The following NRG1 variants were observed in gnomAD, a reference collection of about 807,000 sequenced individuals.
NRG1 encodes neuregulin 1.
Under a neutral mutation model 63.8 loss-of-function variants are expected in NRG1, and 18 were observed. The ratio of observed to expected loss-of-function variants is 0.28; its 90% confidence interval spans 0.19 to 0.42. NRG1 has a LOEUF of 0.42. NRG1 is among the 10% of genes least tolerant of loss of function. The pLI is 1.00. For synonymous variants in NRG1, 302 were observed against 301.3 expected, an observed-to-expected ratio of 1.00 and a Z score of -0.02; for missense variants, 762 against 814.7, an observed-to-expected ratio of 0.94 and a Z score of 0.79.
intron 1 of NRG1, among the ~76,000 whole-genome samples, chr8:31,692,641 A>C (rs1435692348): frequency 6.6e-6 from 1 of 152,228 alleles, no homozygotes; most frequent in African/African-American, 2.4e-5. Context: ...AAGGAAGCAG[A>C]ATCAGCTGCC....
intron 1 of NRG1, among the ~76,000 whole-genome samples, chr8:31,745,125 A>G (rs1815716264): frequency 6.6e-6 from 1 of 151,994 alleles, no homozygotes; most frequent in Non-Finnish European, 1.5e-5. Flanking sequence ...TTTTACAAGT[A>G]GAGTTAAGAG....
rs139787057 is a variant in NRG1 at position 32,444,734 on chromosome 8, A to G, written c.38-151094A>G. On this transcript the variant is annotated intron_variant, in intron 1 of 10. Coordinates refer to the NRG1 transcript ENST00000519301. Reference sequence around the variant, plus strand: ...TCCTGGGAAGTCTCACAATTTTGTCAAAAGTAGAAGAGTTGCCTTTGACGA... The same window carrying G: ...TCCTGGGAAGTCTCACAATTTTGTCGAAAGTAGAAGAGTTGCCTTTGACGA... Among the ~76,000 whole-genome samples, 239 of 152,340 alleles carry G rather than the reference A, an allele frequency of 1.6e-3. 11 individuals carry two copies. In the East Asian group the frequency reaches 0.037, roughly 24 times the overall value.
chr8:31,843,701 G>A (rs1043941427), intron 1 of NRG1, among the ~76,000 whole-genome samples: 6 of 152,062 alleles, frequency 3.9e-5, no homozygotes, highest in African/African-American at 9.7e-5. Context: ...CTTTTAATAC[G>A]AATCCCCAGT....
chr8:32,704,982 TA>T (rs1815970694), intron 5 of NRG1, among the ~76,000 whole-genome samples: 1 of 152,188 alleles, frequency 6.6e-6, no homozygotes, highest in African/African-American at 2.4e-5. Flanking sequence ...AGTTTGACTT[TA>T]AAAAATGTAG....
At chr8:31,703,592 G>A (rs563730522) in intron 1 of NRG1, among the ~76,000 whole-genome samples, 3 of 152,270 alleles carry the variant, frequency 2.0e-5, no homozygotes, top group Non-Finnish European at 2.9e-5. Context: ...TTGCTTAAAT[G>A]TATGAGCTAT....
chr8:31,767,614 T>C (rs965350116), intron 1 of NRG1, among the ~76,000 whole-genome samples: 4 of 151,960 alleles, frequency 2.6e-5, no homozygotes, highest in South Asian at 2.1e-4. Context: ...CTGAGGCAGG[T>C]GGATCACTTG....
chr8:32,521,455 A>G (rs1830338343), intron 1 of NRG1, among the ~76,000 whole-genome samples: 1 of 152,190 alleles, frequency 6.6e-6, no homozygotes, highest in African/African-American at 2.4e-5. Context: ...ACAGTCATGG[A>G]GTGCTGGTTT....
At chr8:31,900,155 G>A (rs1831951392) in intron 1 of NRG1, among the ~76,000 whole-genome samples, 1 of 152,146 alleles carries the variant, frequency 6.6e-6, no homozygotes, top group Non-Finnish European at 1.5e-5. Context: ...TTGTAGGTAA[G>A]GGACAAACTA....
chr8:32,181,079 T>C (rs1288199008), intron 1 of NRG1, among the ~76,000 whole-genome samples: 1 of 152,194 alleles, frequency 6.6e-6, no homozygotes, highest in Non-Finnish European at 1.5e-5. Context: ...GGTGCCTACA[T>C]TCAAACTCAG....
At chr8:31,957,199 T>TC (rs1178284952) in intron 1 of NRG1, among the ~76,000 whole-genome samples, 2 of 151,522 alleles carry the variant, frequency 1.3e-5, no homozygotes, top group Non-Finnish European at 2.9e-5. Flanking sequence ...AGTTTTTTTT[T>TC]TTTTCTTGTC....
intron 1 of NRG1, among the ~76,000 whole-genome samples, chr8:31,879,461 C>G (rs1830179332): frequency 6.6e-6 from 1 of 152,192 alleles, no homozygotes; most frequent in African/African-American, 2.4e-5. Flanking sequence ...TTCTGCCACT[C>G]AAGATCTTTC....
intron 1 of NRG1, among the ~76,000 whole-genome samples, chr8:32,350,630 T>C (rs757026189): frequency 6.0e-4 from 92 of 152,164 alleles, no homozygotes; most frequent in Admixed American, 1.7e-3. Flanking sequence ...TAATCCCAGA[T>C]ATAAGGTGTT....
intron 1 of NRG1, among the ~76,000 whole-genome samples, chr8:31,651,523 G>T (rs1363981472): frequency 1.3e-5 from 2 of 152,062 alleles, no homozygotes; most frequent in African/African-American, 2.4e-5. Context: ...TTGGTTTTCA[G>T]GGGGGTGGCA....
In NRG1 at chr8:32,619,379, A is replaced by G. The variant is rs140453681; in HGVS notation, c.502+2494A>G. On this transcript the variant is annotated intron_variant, in intron 5 of 11. Transcript: ENST00000356819. ...AGTAGAAGGAACAAAGGGATGAAAT[A>G]TAGAAGATGAGGGCCACAGACCCTG... Among the ~76,000 whole-genome samples the G allele has an allele frequency of 3.8e-3, 577 of 152,284 alleles. 7 individuals are homozygous for G. Among genetic ancestry groups the G allele is most frequent in the African/African-American group, 0.013 (536 of 41,574 alleles).
At chr8:32,000,273 G>A (rs754109408) in intron 1 of NRG1, among the ~76,000 whole-genome samples, 9 of 151,950 alleles carry the variant, frequency 5.9e-5, no homozygotes. Flanking sequence ...TTGTTTACAT[G>A]TATCCAGAGT....
intron 1 of NRG1, among the ~76,000 whole-genome samples, chr8:32,091,875 G>A (rs1323942455): frequency 1.3e-5 from 2 of 152,088 alleles, no homozygotes; most frequent in African/African-American, 4.8e-5. Context: ...AATATGATGA[G>A]AGCTTATTGT....
chr8:31,911,733 C>CT (rs1343061980), intron 1 of NRG1, among the ~76,000 whole-genome samples: 2 of 152,150 alleles, frequency 1.3e-5, no homozygotes, highest in Non-Finnish European at 2.9e-5. Flanking sequence ...AAAAAAGAAA[C>CT]TTTTTCTGTA....
At chr8:32,256,367 T>C (rs1849701269) in intron 1 of NRG1, 5 of 152,022 alleles carry the variant, frequency 3.3e-5, no homozygotes, top group Admixed American at 3.3e-4. Flanking sequence ...TTGGATGGGG[T>C]TTTTGTGTGG....
chr8:32,396,979 A>G (rs928405486), intron 1 of NRG1, among the ~76,000 whole-genome samples: 1 of 152,102 alleles, frequency 6.6e-6, no homozygotes, highest in Non-Finnish European at 1.5e-5. Context: ...CCATTTCCCA[A>G]TTCCGAAGCC....
Sources: allele counts gnomAD v4.1 joint callset (sites outside exome capture counted in the v4.1 genomes callset), GRCh38; gene constraint gnomAD v4.1.1; transcripts MANE v1.5; gene names NCBI Gene and HGNC (gene_info 2026-07-23, HGNC 2026-07-21).